LARP4B: variants seen among roughly 807,000 people sequenced by gnomAD.
The protein encoded by LARP4B is La ribonucleoprotein 4B.
In LARP4B, 12 loss-of-function variants were observed where a neutral mutation model predicts 89.8. The ratio of observed to expected loss-of-function variants is 0.13; its 90% CI spans 0.09 to 0.22. LARP4B has a LOEUF of 0.22. Among genes scored for constraint, LARP4B ranks in the 10% least tolerant of loss-of-function variants. The probability of loss-of-function intolerance (pLI) is 1.00; values close to 1 mark genes in which losing one functional copy is unlikely to be tolerated. For synonymous variants in LARP4B, 367 were observed against 363.3 expected, an observed-to-expected ratio of 1.01 and a Z score of -0.12; for missense variants, 757 against 947.7, an observed-to-expected ratio of 0.80 and a Z score of 2.64.
intron 3 of LARP4B, among the ~76,000 whole-genome samples, chr10:867,052 A>G (rs1021886783): frequency 2.0e-5 from 3 of 152,230 alleles, no homozygotes; most frequent in Non-Finnish European, 4.4e-5. Flanking sequence ...ATTTTCCACT[A>G]TTTGACAACT....
intron 15 of LARP4B, 173 bp from the exon 16 acceptor site, chr10:815,243 C>A (rs1831972582): frequency 5.4e-6 from 3 of 556,014 alleles, no homozygotes; most frequent in South Asian, 1.1e-4. Context: ...CTCTGCCCCA[C>A]AGATCGCCCA....
At chr10:951,374 C>T in the LARP4B span, among the ~76,000 whole-genome samples, 3 of 152,010 alleles carry the variant, frequency 2.0e-5, no homozygotes, top group Admixed American at 6.6e-5. Flanking sequence ...TATGGTGAAA[C>T]CCCGTCTCTA....
At chr10:950,523 ATGTC>A in the LARP4B span, among the ~76,000 whole-genome samples, 6 of 152,178 alleles carry the variant, frequency 3.9e-5, no homozygotes, top group Non-Finnish European at 5.9e-5. Flanking sequence ...AATCTTCTCT[ATGTC>A]TGCATGACAT....
chr10:900,132 G>A (rs1468433486), intron 1 of LARP4B, among the ~76,000 whole-genome samples: 1 of 152,062 alleles, frequency 6.6e-6, no homozygotes, highest in East Asian at 1.9e-4. Context: ...GATCATCTGA[G>A]GTCAGGAGTT....
chr10:817,605 C>T (rs889305318), intron 15 of LARP4B, 120 bp downstream of exon 15: 3 of 968,774 alleles, frequency 3.1e-6, no homozygotes, highest in Non-Finnish European at 4.7e-6. Context: ...AATCACGTGG[C>T]CTCCAAGCCT....
intron 6 of LARP4B, among the ~76,000 whole-genome samples, chr10:843,420 C>T (rs186075206): frequency 2.6e-5 from 4 of 152,258 alleles, no homozygotes; most frequent in East Asian, 3.9e-4. Flanking sequence ...TTTGTTAGGC[C>T]GGGCACGGTG....
rs184547624 is a variant in LARP4B, at chr10:882,533, G to A, written c.141+1914C>T. On this transcript the variant is annotated intron_variant, in intron 3 of 17. Coordinates refer to ENST00000316157, the MANE Select transcript of LARP4B (RefSeq NM_015155.3). The stretch of plus-strand genomic sequence containing the variant: ...CTCCCGAGTAGCTGGGACTACAGGC[G>A]TGTGCCACCACACCTGGCTAATTTT... 2.8e-3 allele frequency among the ~76,000 whole-genome samples: 426 copies of A among 152,168 alleles called. 5 individuals are homozygous for A. The highest frequency in any genetic ancestry group is 9.8e-3 in the African/African-American group (407 of 41,510).
chr10:918,019 C>G (rs1836872221), intron 1 of LARP4B, among the ~76,000 whole-genome samples: 1 of 152,048 alleles, frequency 6.6e-6, no homozygotes, highest in African/African-American at 2.4e-5. Flanking sequence ...TATTGTTTTC[C>G]TACAATTTGG....
chr10:958,131 T>C, the LARP4B span, among the ~76,000 whole-genome samples: 1 of 152,162 alleles, frequency 6.6e-6, no homozygotes, highest in Non-Finnish European at 1.5e-5. Flanking sequence ...TGTGGTATGT[T>C]CCTAAAGTGC....
chr10:929,508 A>G (rs1023853291), intron 1 of LARP4B, among the ~76,000 whole-genome samples: 2 of 152,208 alleles, frequency 1.3e-5, no homozygotes, highest in African/African-American at 4.8e-5. Flanking sequence ...AGGCAGGAGA[A>G]TAACTTGAAG....
intron 3 of LARP4B, among the ~76,000 whole-genome samples, chr10:881,805 C>T (rs577032898): frequency 1.1e-3 from 168 of 152,362 alleles, no homozygotes; most frequent in African/African-American, 3.8e-3. Flanking sequence ...AAGGCTCACA[C>T]ACAATGTGAT....
intron 1 of LARP4B, among the ~76,000 whole-genome samples, chr10:919,270 G>T (rs1189379859): frequency 1.3e-5 from 2 of 152,138 alleles, no homozygotes; most frequent in African/African-American, 4.8e-5. Context: ...GTGCTGCACA[G>T]AACGCTGACC....
At chr10:866,424 C>T (rs1213690186) in intron 3 of LARP4B, among the ~76,000 whole-genome samples, 5 of 152,202 alleles carry the variant, frequency 3.3e-5, no homozygotes, top group Admixed American at 6.5e-5. Flanking sequence ...GTGCCAGGCA[C>T]GGCACTGAGC....
At chr10:942,873 C>T in the LARP4B span, 1 of 152,114 alleles carries the variant, frequency 6.6e-6, no homozygotes, top group Non-Finnish European at 1.5e-5. Context: ...AGCCCACAGC[C>T]AAGGAGGCCT....
chr10:950,694 A>G, the LARP4B span, among the ~76,000 whole-genome samples: 1 of 152,156 alleles, frequency 6.6e-6, no homozygotes, highest in Non-Finnish European at 1.5e-5. Flanking sequence ...TGTAGTTTTC[A>G]GCATATAGAT....
chr10:932,798 G>A (rs1378261930), upstream of LARP4B, among the ~76,000 whole-genome samples: 2 of 142,508 alleles, frequency 1.4e-5, no homozygotes, highest in African/African-American at 5.3e-5. Context: ...CCAAGGCCCC[G>A]GCACTGCCCC....
At chr10:897,790 C>G (rs1000623682) in intron 1 of LARP4B, among the ~76,000 whole-genome samples, 13 of 151,964 alleles carry the variant, frequency 8.6e-5, no homozygotes, top group African/African-American at 2.2e-4. Context: ...GAGTTCGAGA[C>G]CAGCCTGGCC....
the LARP4B span, among the ~76,000 whole-genome samples, chr10:960,094 C>A: frequency 1.3e-5 from 2 of 152,166 alleles, no homozygotes; most frequent in Non-Finnish European, 2.9e-5. Context: ...CATGGAGGAA[C>A]CTTGAATGCA....
chr10:921,861 C>A (rs1479172665), intron 1 of LARP4B, among the ~76,000 whole-genome samples: 1 of 152,186 alleles, frequency 6.6e-6, no homozygotes, highest in East Asian at 1.9e-4. Flanking sequence ...CAGGGAAAAA[C>A]TGAAGGCCAC....
Sources: gnomAD v4.1 joint callset for allele counts (sites outside exome capture counted in the v4.1 genomes callset) on GRCh38, gnomAD v4.1.1 for gene constraint, MANE v1.5 for transcripts, NCBI Gene and HGNC (gene_info 2026-07-23, HGNC 2026-07-21) for gene names.